The following REXO1 variants were observed in gnomAD, a reference collection of about 807,000 sequenced individuals.
The protein encoded by REXO1 is RNA exonuclease 1 homolog.
A neutral mutation model predicts 102.6 loss-of-function variants in REXO1; 42 were observed. The ratio of observed to expected loss-of-function variants is 0.41; its 90% confidence interval spans 0.32 to 0.53. REXO1 has a LOEUF of 0.53. Among genes scored for constraint, REXO1 ranks in the 20% least tolerant of loss-of-function variants. REXO1 has a pLI of 0.27. For synonymous variants in REXO1, 908 were observed against 779.1 expected (o/e 1.17, Z -2.76); for missense variants, 1,819 against 1,732.5 (o/e 1.05, Z -0.89).
chr19:1,845,820 G>C (rs566587166), intron 1 of REXO1, among the ~76,000 whole-genome samples: 4 of 152,118 alleles, frequency 2.6e-5, no homozygotes, highest in Non-Finnish European at 5.9e-5. Context: ...TGTTCCCGTC[G>C]CAGCTCCGCC....
At chr19:1,825,728 G>C (rs1205706274) in intron 3 of REXO1, 111 bp downstream of exon 3, 3 of 718,516 alleles carry the variant, frequency 4.2e-6, no homozygotes, top group Non-Finnish European at 2.4e-6. Context: ...CACCCGCCTT[G>C]GCCTCCCAAA....
At chr19:1,838,736 G>A (rs1225488832) in intron 1 of REXO1, among the ~76,000 whole-genome samples, 2 of 151,916 alleles carry the variant, frequency 1.3e-5, no homozygotes, top group African/African-American at 4.8e-5. Flanking sequence ...GGAGCCAGCG[G>A]GACCTTCTCC....
chr19:1,845,870 T>C (rs971804819), intron 1 of REXO1, among the ~76,000 whole-genome samples: 1 of 152,156 alleles, frequency 6.6e-6, no homozygotes, highest in African/African-American at 2.4e-5. Flanking sequence ...CCTCATCAGA[T>C]GCCCTCTCCT....
At chr19:1,831,464 G>A (rs922666119) in intron 1 of REXO1, among the ~76,000 whole-genome samples, 18 of 152,222 alleles carry the variant, frequency 1.2e-4, no homozygotes, top group South Asian at 4.1e-4. Context: ...CACTGTGGGC[G>A]ACGCAGAGAA....
rs1468940546 is a variant in REXO1 at position 1,827,879 on chromosome 19, C to T, written c.910G>A (p.Ala304Thr). 2 of 1,613,646 alleles carry T rather than the reference C, an allele frequency of 1.2e-6. No homozygotes were observed. Among genetic ancestry groups the T allele is most frequent in the Non-Finnish European group, 1.7e-6 (2 of 1,179,854 alleles). ...ATVPGNEPTT[A>T]STPKARADPE... The stretch of plus-strand genomic sequence containing the variant: ...TCGGCCCTGGCTTTGGGGGTGCTGG[C>T]CGTGGTGGGCTCGTTACCTGGGACC... Residue 304 changes from alanine to threonine, a missense_variant, in exon 2 of 16, where the codon GCC becomes ACC. Coordinates refer to ENST00000170168, the MANE Select transcript of REXO1 (RefSeq NM_020695.4).
rs530373585 is a variant in REXO1, at chr19:1,818,663, T to C, written c.2902+43A>G. The C allele has an allele frequency of 1.1e-4, 171 of 1,609,080 alleles. 2 individuals are homozygous for C. The South Asian group carries it at 1.8e-3, about 17-fold the overall frequency. ...GCCCGCATGCCCGGCCTTGCCCACA[T>C]CCCGCACCTGCCCACCTAGGCCGTC... On this transcript the variant is annotated intron_variant, in intron 9 of 15. Coordinates refer to ENST00000170168, the MANE Select transcript of REXO1 (RefSeq NM_020695.4).
At chr19:1,818,963 T>C in intron 8 of REXO1, 55 bp downstream of exon 8, 1 of 1,570,744 alleles carries the variant, frequency 6.4e-7, no homozygotes, top group Non-Finnish European at 8.7e-7. Context: ...CAGCAGGGGC[T>C]GGGCCGGCAG....
intron 13 of REXO1, 35 bp downstream of exon 13, chr19:1,816,659 CTGGG>C: frequency 6.2e-7 from 1 of 1,604,366 alleles, no homozygotes; most frequent in Non-Finnish European, 8.5e-7. Flanking sequence ...GGAGAGGCGG[CTGGG>C]AGGGCTCCCA....
chr19:1,834,997 G>C, intron 1 of REXO1: 1 of 425,664 alleles, frequency 2.3e-6, no homozygotes, highest in Non-Finnish European at 4.8e-6. Context: ...GCTCCAGCCA[G>C]GTCTGGAAGT....
chr19:1,836,669 CCGGGAGG>C (rs1471557404), intron 1 of REXO1, among the ~76,000 whole-genome samples: 2 of 141,082 alleles, frequency 1.4e-5, no homozygotes, highest in African/African-American at 5.3e-5. Flanking sequence ...TCACTTGAAC[CCGGGAGG>C]CGGAGACTGC....
chr19:1,837,662 A>T (rs1242975725), intron 1 of REXO1, among the ~76,000 whole-genome samples: 1 of 152,038 alleles, frequency 6.6e-6, no homozygotes, highest in African/African-American at 2.4e-5. Context: ...CAGCAGCGGC[A>T]CCTGGGGTCT....
At chr19:1,831,777 G>A (rs1292883040) in intron 1 of REXO1, among the ~76,000 whole-genome samples, 2 of 148,916 alleles carry the variant, frequency 1.3e-5, no homozygotes, top group East Asian at 2.0e-4. Flanking sequence ...CCTGGGAGGC[G>A]GAAGTTGCAG....
At position 1,843,414 on chromosome 19, in the gene REXO1, C is replaced by T. The variant is rs76767576; in HGVS notation, c.157+4788G>A. Among the ~76,000 whole-genome samples, 1,184 of 152,312 alleles carry T rather than the reference C, an allele frequency of 7.8e-3. 21 individuals carry two copies. Among genetic ancestry groups the T allele is most frequent in the African/African-American group, 0.027 (1,139 of 41,566 alleles). On this transcript the variant is annotated intron_variant, in intron 1 of 15. Coordinates refer to ENST00000170168, the MANE Select transcript of REXO1 (RefSeq NM_020695.4). ...GAAAAAGAAACGGCCTCAGCACCAC[C>T]GCTGGTTGTCACCACTGGGGTCAGG...
chr19:1,836,543 C>T (rs556945932), intron 1 of REXO1, among the ~76,000 whole-genome samples: 4 of 151,986 alleles, frequency 2.6e-5, no homozygotes, highest in African/African-American at 9.7e-5. Context: ...GTCAGGAGTT[C>T]GAGACCAGCC....
At chr19:1,825,395 G>A (rs937232759) in intron 3 of REXO1, among the ~76,000 whole-genome samples, 9 of 149,576 alleles carry the variant, frequency 6.0e-5, no homozygotes, top group Non-Finnish European at 7.4e-5. Flanking sequence ...TAATCCCAAC[G>A]CTGGGAAGCC....
In REXO1 at chr19:1,828,141, A is replaced by G; in HGVS notation, c.648T>C (p.Val216=). The part of the protein sequence containing the change: ...VSQPRRHSRP[V]PSGKYVVDNS... ...TGTCCACCACGTACTTGCCACTGGG[A>G]ACGGGGCGGCTGTGCCGCCGGGGCT... The change falls in exon 2 of 16, where the codon GTT becomes GTC. Residue 216 remains valine (V), a synonymous_variant. Coordinates refer to ENST00000170168, the MANE Select transcript of REXO1 (RefSeq NM_020695.4). 6.2e-7 allele frequency: 1 copy of G among 1,611,630 alleles called. No individual in the cohort carries two copies. The highest frequency in any genetic ancestry group is 8.5e-7 in the Non-Finnish European group (1 of 1,179,576).
chr19:1,831,845 C>CAAAAAAAAAAAAAAAA (rs745676775), intron 1 of REXO1, among the ~76,000 whole-genome samples: 2 of 51,290 alleles, frequency 3.9e-5, no homozygotes, highest in Non-Finnish European at 8.2e-5. Context: ...AACTCCATCT[C>CAAAAAAAAAAAAAAAA]AAAAAAAAAA....
chr19:1,828,061 C>G lies in REXO1; in HGVS notation c.728G>C (p.Arg243Pro). The G allele has an allele frequency of 6.2e-7, 1 of 1,613,110 alleles. No individual in the cohort carries two copies. The highest frequency in any genetic ancestry group is 8.5e-7 in the Non-Finnish European group (1 of 1,179,806). The change falls in exon 2 of 16, where the codon CGG becomes CCG. Residue 243 changes from arginine (R) to proline (P), a missense_variant. By Grantham distance (103) the Arg-to-Pro change is moderately radical (BLOSUM62 -2). Coordinates refer to ENST00000170168, the MANE Select transcript of REXO1 (RefSeq NM_020695.4). ...EYDPLSNYSA[R>P]HLSRASSRDE... The stretch of plus-strand genomic sequence containing the variant: ...CCGGGAGCTGGCCCTGCTGAGGTGC[C>G]GGGCCGAGTAGTTGGAGAGAGGGTC...
chr19:1,821,011 A>C (rs1302477066), intron 5 of REXO1, among the ~76,000 whole-genome samples: 5 of 149,736 alleles, frequency 3.3e-5, no homozygotes, highest in African/African-American at 1.2e-4. Flanking sequence ...AAAAAAAAAA[A>C]CACCAACCAA....
Sources: allele counts gnomAD v4.1 joint callset (sites outside exome capture counted in the v4.1 genomes callset), GRCh38; gene constraint gnomAD v4.1.1; transcripts MANE v1.5; gene names NCBI Gene and HGNC (gene_info 2026-07-23, HGNC 2026-07-21).